Variants in MEI4 observed in about 807,000 individuals in gnomAD.
MEI4 encodes meiosis-specific protein MEI4.
In MEI4, 27 loss-of-function variants were observed where a neutral mutation model predicts 31.4. That is an observed-to-expected ratio of 0.86 (90% CI 0.63 to 1.19). The LOEUF is 1.19. Among genes scored for constraint, MEI4 ranks in the 50% most tolerant of loss-of-function variants. The pLI is 0.00. For missense variants in MEI4, 329 were observed against 398.9 expected (o/e 0.82, Z 1.49); for synonymous variants, 122 against 145.4 (o/e 0.84, Z 1.16).
At chr6:77,694,120 A>G (rs1304162497) in intron 2 of MEI4, among the ~76,000 whole-genome samples, 1 of 152,128 alleles carries the variant, frequency 6.6e-6, no homozygotes, top group Admixed American at 6.6e-5. Context: ...TCAGATAAAC[A>G]ATGAGTAAGG....
chr6:77,743,510 G>A (rs896411117), intron 2 of MEI4, among the ~76,000 whole-genome samples: 10 of 152,164 alleles, frequency 6.6e-5, no homozygotes, highest in Non-Finnish European at 1.5e-4. Flanking sequence ...ATCAGCTTAA[G>A]GAGATTTTGG....
At chr6:77,733,510 T>G (rs1313823402) in intron 2 of MEI4, among the ~76,000 whole-genome samples, 7 of 152,146 alleles carry the variant, frequency 4.6e-5, no homozygotes, top group Non-Finnish European at 7.3e-5. Flanking sequence ...TATTTGATTC[T>G]TCTCTCTTTT....
chr6:77,756,671 C>T (rs76256574), intron 2 of MEI4, among the ~76,000 whole-genome samples: 1 of 151,392 alleles, frequency 6.6e-6, no homozygotes, highest in East Asian at 1.9e-4. Context: ...CTCTCTCTCC[C>T]CCCCGCCGCC....
chr6:77,778,692 C>T (rs1768519994), intron 3 of MEI4, among the ~76,000 whole-genome samples: 1 of 150,586 alleles, frequency 6.6e-6, no homozygotes, highest in Non-Finnish European at 1.5e-5. Context: ...AGAGCGAGAC[C>T]TGAGACCCTG....
chr6:77,823,240 T>C (rs1451893836), intron 3 of MEI4, among the ~76,000 whole-genome samples: 1 of 152,172 alleles, frequency 6.6e-6, no homozygotes, highest in Non-Finnish European at 1.5e-5. Flanking sequence ...ATATATATTT[T>C]CTATGTGAGT....
rs1769784595 is a variant in MEI4 at position 77,820,244 on chromosome 6, TTTTG to T, written c.769-8683_769-8680del. 2.0e-5 allele frequency among the ~76,000 whole-genome samples: 3 copies of T among 152,176 alleles called. No individual in the cohort carries two copies. The highest frequency in any genetic ancestry group is 1.3e-4 in the Admixed American group (2 of 15,276). The stretch of plus-strand genomic sequence containing the variant: ...AAAGAGACTCCTGGGACTGGTTTTT[TTTTG>T]TTTTTGTTTTTGTTTTTGGAGATGG... On this transcript the variant is annotated intron_variant, in intron 3 of 4. Transcript: ENST00000684080. The surrounding 1 kb of genome is among the most constrained non-coding windows in gnomAD (Gnocchi z 4.5).
rs537671625 is a variant in MEI4, at chr6:77,891,226, G to A, written c.901-31863G>A. ...TTTCTGCTATTAATTTGTTAAATAT[G>A]TTTTCTATTATTTTGCCCACCTTTT... On this transcript the variant is annotated intron_variant, in intron 4 of 4. Transcript: ENST00000684080. Among the ~76,000 whole-genome samples the A allele has an allele frequency of 2.3e-4, 35 of 152,220 alleles. No individual in the cohort carries two copies. The East Asian group carries it at 6.6e-3, about 29-fold the overall frequency.
chr6:77,908,077 AT>A (rs1306675217), intron 4 of MEI4, among the ~76,000 whole-genome samples: 1 of 150,524 alleles, frequency 6.6e-6, no homozygotes, highest in East Asian at 1.9e-4. Context: ...GATTGCAAAA[AT>A]TTTCTCCCAT....
intron 4 of MEI4, among the ~76,000 whole-genome samples, chr6:77,883,520 C>T (rs532836517): frequency 1.3e-5 from 2 of 151,472 alleles, no homozygotes; most frequent in South Asian, 2.1e-4. Flanking sequence ...ACTTTTTTAG[C>T]TCGCACATAT....
intron 3 of MEI4, among the ~76,000 whole-genome samples, chr6:77,803,022 T>C (rs1002354149): frequency 7.9e-5 from 12 of 152,184 alleles, no homozygotes; most frequent in African/African-American, 2.2e-4. Flanking sequence ...TTGGCCTGCC[T>C]TGCTAGATTG....
chr6:77,790,761 A>T (rs900487245), intron 3 of MEI4, among the ~76,000 whole-genome samples: 2 of 152,156 alleles, frequency 1.3e-5, no homozygotes, highest in Non-Finnish European at 1.5e-5. Context: ...TTTTTAAGTC[A>T]ACAAAAAAAT....
chr6:77,784,576 G>A lies in MEI4; in HGVS notation c.768+22911G>A, dbSNP rs537188713. ...ATTAAATACCAAGGGAATTAATACT[G>A]AAGAAACTGTACATCCTTAGGTGCA... On this transcript the variant is annotated intron_variant, in intron 3 of 4. Transcript: ENST00000684080. Among the ~76,000 whole-genome samples, 10 of 152,256 alleles carry A rather than the reference G, an allele frequency of 6.6e-5. No homozygotes were observed. The South Asian group carries it at 2.1e-3, about 32-fold the overall frequency.
At chr6:77,763,937 C>A (rs1001994194) in intron 3 of MEI4, among the ~76,000 whole-genome samples, 1 of 152,126 alleles carries the variant, frequency 6.6e-6, no homozygotes, top group African/African-American at 2.4e-5. Flanking sequence ...CCTCAGCCTC[C>A]CTAGTAACTG....
intron 4 of MEI4, among the ~76,000 whole-genome samples, chr6:77,867,810 A>G (rs1031690961): frequency 2.0e-5 from 3 of 152,202 alleles, no homozygotes; most frequent in Non-Finnish European, 4.4e-5. Context: ...AAGACTTGGA[A>G]CCAACCCAAA....
intron 3 of MEI4, among the ~76,000 whole-genome samples, chr6:77,819,570 C>A (rs912653245): frequency 1.6e-4 from 25 of 152,114 alleles, no homozygotes; most frequent in African/African-American, 4.8e-4. Context: ...TAAGCTCTTT[C>A]TTTTCACCCA....
chr6:77,893,725 A>G (rs1279754674), intron 4 of MEI4, among the ~76,000 whole-genome samples: 1 of 152,222 alleles, frequency 6.6e-6, no homozygotes, highest in Non-Finnish European at 1.5e-5. Flanking sequence ...GTCATCAGGT[A>G]AGAACTCTTG....
chr6:77,682,524 A>G lies in MEI4; in HGVS notation c.-14-8134A>G, dbSNP rs1174459641. Among the ~76,000 whole-genome samples, 3 of 152,158 alleles carry G rather than the reference A, an allele frequency of 2.0e-5. No homozygotes were observed. In the East Asian group the frequency reaches 5.8e-4, roughly 29 times the overall value. On this transcript the variant is annotated intron_variant, in intron 1 of 4. Transcript: ENST00000684080. ...TATTGAGTGAAGAGAGACAGATGTG[A>G]CCTTTTGGTTAACTAATTAAGTTCC...
chr6:77,809,176 A>C (rs995818906), intron 3 of MEI4, among the ~76,000 whole-genome samples: 7 of 152,226 alleles, frequency 4.6e-5, no homozygotes, highest in African/African-American at 1.7e-4. Context: ...CATTGTGCCT[A>C]ACAGTGGACT....
intron 4 of MEI4, among the ~76,000 whole-genome samples, chr6:77,879,198 GTAAT>G (rs1181934756): frequency 1.0e-3 from 158 of 152,110 alleles, no homozygotes; most frequent in African/African-American, 3.5e-3. Flanking sequence ...CTCATATTAA[GTAAT>G]TAAATATATT....
Sources: gnomAD v4.1 joint callset for allele counts (sites outside exome capture counted in the v4.1 genomes callset) on GRCh38, gnomAD v4.1.1 for gene constraint, Gnocchi (gnomAD v3.1) non-coding constraint, MANE v1.5 for transcripts, NCBI Gene and HGNC (gene_info 2026-07-23, HGNC 2026-07-21) for gene names.